The following HDX variants were observed in gnomAD, a reference collection of about 807,000 sequenced individuals.
The protein encoded by HDX is highly divergent homeobox.
A neutral mutation model predicts 45.2 loss-of-function variants in HDX; 19 were observed. The observed-to-expected ratio is 0.42, with a 90% CI of 0.29 to 0.62. The LOEUF (loss-of-function observed/expected upper bound fraction) is 0.62, where lower values mean the gene tolerates loss of function less well. HDX is among the 20% of genes least tolerant of loss of function. The probability of loss-of-function intolerance (pLI) is 0.20; values close to 1 mark genes in which losing one functional copy is unlikely to be tolerated. For missense variants in HDX, 532 were observed against 493.9 expected, an observed-to-expected ratio of 1.08 and a Z score of -0.73; for synonymous variants, 188 against 172.8, an observed-to-expected ratio of 1.09 and a Z score of -0.69.
At chrX:84,342,586 C>A (rs761022127) in intron 7 of HDX, among the ~76,000 whole-genome samples, 259 of 109,913 alleles carry the variant, frequency 2.4e-3, no homozygotes, top group Non-Finnish European at 4.1e-3. Context: ...AGCTACATTC[C>A]AACTCACTGG....
intron 5 of HDX, among the ~76,000 whole-genome samples, chrX:84,383,981 T>G (rs2038250031): frequency 9.0e-6 from 1 of 110,933 alleles, no homozygotes. Flanking sequence ...TTCTACGTCT[T>G]TACGATTGTG....
At chrX:84,361,261 C>T (rs1473637101) in intron 6 of HDX, among the ~76,000 whole-genome samples, 1 of 111,219 alleles carries the variant, frequency 9.0e-6, no homozygotes, top group African/African-American at 3.3e-5. Flanking sequence ...GGGTTATTTG[C>T]AATTTTATTA....
At chrX:84,375,833 A>T (rs1012596675) in intron 5 of HDX, among the ~76,000 whole-genome samples, 1 of 111,284 alleles carries the variant, frequency 9.0e-6, no homozygotes, top group Non-Finnish European at 1.9e-5. Flanking sequence ...AGCATGGCAC[A>T]TGTATACATA....
chrX:84,361,439 G>A (rs1272875033), intron 6 of HDX, 27 bp downstream of exon 6: 4 of 1,184,045 alleles, frequency 3.4e-6, no homozygotes, highest in Non-Finnish European at 4.6e-6. Flanking sequence ...AGCAACTATA[G>A]CATGAAAATT....
chrX:84,350,691 C>T (rs757461718), intron 6 of HDX, among the ~76,000 whole-genome samples: 106 of 111,676 alleles, frequency 9.5e-4, no homozygotes, highest in Non-Finnish European at 1.7e-3. Context: ...TGTTTTCTAT[C>T]TTTTTACTTT....
At chrX:84,345,526 C>A (rs2037181937) in intron 6 of HDX, among the ~76,000 whole-genome samples, 1 of 111,571 alleles carries the variant, frequency 9.0e-6, no homozygotes, top group African/African-American at 3.2e-5. Context: ...TTCGTTTAAC[C>A]ATTTACCTGC....
rs771958887 is a variant in HDX, at chrX:84,360,284, T to G, written c.1452+1182A>C. Among the ~76,000 whole-genome samples the G allele has an allele frequency of 2.6e-3, 287 of 111,785 alleles. 2 individuals carry two copies. Among genetic ancestry groups the G allele is most frequent in the African/African-American group, 9.0e-3 (279 of 30,845 alleles). ...TATTAAAAAGTCAAGAAACAACAGA[T>G]GCTGGCAAGGCTGTGGAGAAATAGG... On this transcript the variant is annotated intron_variant, in intron 6 of 10. Coordinates refer to ENST00000373177, the MANE Select transcript of HDX (RefSeq NM_001177479.2).
chrX:84,454,456 G>C (rs965307625), intron 4 of HDX, among the ~76,000 whole-genome samples: 1 of 111,641 alleles, frequency 9.0e-6, no homozygotes, highest in Non-Finnish European at 1.9e-5. Context: ...CCACGGGCCT[G>C]AGGTGGTGGC....
chrX:84,469,486 G>A lies in HDX; in HGVS notation c.237C>T (p.Asp79=), dbSNP rs145635348. The change falls in exon 4 of 11, where the codon GAC becomes GAT. Residue 79 remains aspartate (D), a synonymous_variant. Coordinates refer to ENST00000373177, the MANE Select transcript of HDX (RefSeq NM_001177479.2). ...TATTAACCACATTTCTGACTGTGATGTCTGGAGCTGACAAAGAGGTTCCTG... is the reference window on the plus strand; with the variant it reads ...TATTAACCACATTTCTGACTGTGATATCTGGAGCTGACAAAGAGGTTCCTG... ...ATTGTSLSAP[D]ITVRNVVNIA... 6 of 1,208,152 alleles carry A rather than the reference G, an allele frequency of 5.0e-6. No individual in the cohort carries two copies. The African/African-American group carries it at 1.1e-4, about 21-fold the overall frequency.
At chrX:84,436,114 T>G (rs1454607905) in intron 5 of HDX, among the ~76,000 whole-genome samples, 3 of 90,316 alleles carry the variant, frequency 3.3e-5, no homozygotes, top group African/African-American at 1.2e-4. Flanking sequence ...AATGATGAGT[T>G]CATGTCCTTT....
intron 5 of HDX, among the ~76,000 whole-genome samples, chrX:84,424,315 G>A (rs139241696): frequency 0.11 from 12,466 of 109,615 alleles, 631 homozygotes; most frequent in South Asian, 0.28. Flanking sequence ...ACAATGGAGA[G>A]GACACCAAAA....
intron 3 of HDX, among the ~76,000 whole-genome samples, chrX:84,471,386 A>T (rs2040454037): frequency 1.8e-5 from 2 of 108,448 alleles, no homozygotes; most frequent in African/African-American, 3.3e-5. Context: ...AGGATCTATA[A>T]TAAAGGATCT....
chrX:84,369,855 C>T (rs2037851267), intron 5 of HDX, among the ~76,000 whole-genome samples: 1 of 112,007 alleles, frequency 8.9e-6, no homozygotes, highest in African/African-American at 3.2e-5. Flanking sequence ...TAACATCCTT[C>T]AATAAGAAAG....
At chrX:84,408,966 G>A (rs1358679658) in intron 5 of HDX, among the ~76,000 whole-genome samples, 1 of 110,984 alleles carries the variant, frequency 9.0e-6, no homozygotes, top group Non-Finnish European at 1.9e-5. Context: ...CCTTCTGACA[G>A]AGTCTATGGG....
intron 4 of HDX, among the ~76,000 whole-genome samples, chrX:84,458,231 T>C (rs180776220): frequency 9.0e-6 from 1 of 110,666 alleles, no homozygotes; most frequent in African/African-American, 3.3e-5. Context: ...AAAGGCTAGA[T>C]TAAAATTTAG....
intron 5 of HDX, among the ~76,000 whole-genome samples, chrX:84,414,582 A>C (rs2039061172): frequency 1.0e-5 from 1 of 98,397 alleles, no homozygotes; most frequent in African/African-American, 3.4e-5. Flanking sequence ...AATAAATTTT[A>C]AAGGTGTTCT....
intron 5 of HDX, among the ~76,000 whole-genome samples, chrX:84,434,331 C>A (rs1211514455): frequency 9.0e-6 from 1 of 110,607 alleles, no homozygotes; most frequent in African/African-American, 3.3e-5. Flanking sequence ...TCATATATGA[C>A]CTTTGTTGTG....
At chrX:84,493,804 G>A (rs989595965) in intron 1 of HDX, among the ~76,000 whole-genome samples, 1 of 111,144 alleles carries the variant, frequency 9.0e-6, no homozygotes, top group South Asian at 3.7e-4. Flanking sequence ...GCACAACAGG[G>A]TGACTATAGT....
At chrX:84,437,093 G>A (rs1047915021) in intron 5 of HDX, among the ~76,000 whole-genome samples, 39 of 111,061 alleles carry the variant, frequency 3.5e-4, no homozygotes, top group African/African-American at 1.3e-3. Flanking sequence ...GATATGCATA[G>A]AATGAAAGTT....
Sources: allele counts gnomAD v4.1 joint callset (sites outside exome capture counted in the v4.1 genomes callset), GRCh38; gene constraint gnomAD v4.1.1; transcripts MANE v1.5; gene names NCBI Gene and HGNC (gene_info 2026-07-23, HGNC 2026-07-21).